Variants in TMEM114 observed in about 807,000 individuals in gnomAD.
The protein encoded by TMEM114 is claudin-26.
TMEM114 carries 6 observed loss-of-function variants against 6.2 expected under a neutral mutation model. The observed-to-expected ratio is 0.97, with a 90% confidence interval of 0.53 to 1.91. The LOEUF (loss-of-function observed/expected upper bound fraction) is 1.91, where lower values mean the gene tolerates loss of function less well. Ranked by LOEUF, TMEM114 falls within the 40% of genes most tolerant of loss-of-function variation. The pLI, the probability that TMEM114 is intolerant of heterozygous loss-of-function variation, is 0.01. For synonymous variants in TMEM114, 104 were observed against 73.0 expected (o/e 1.42, Z -2.16); for missense variants, 218 against 158.3 (o/e 1.38, Z -2.02).
intron 2 of TMEM114, among the ~76,000 whole-genome samples, chr16:8,551,327 A>G (rs1448191575): frequency 2.0e-5 from 3 of 152,182 alleles, no homozygotes; most frequent in Non-Finnish European, 4.4e-5. Flanking sequence ...GTCAGACACC[A>G]TGTGTTTGAA....
intron 2 of TMEM114, among the ~76,000 whole-genome samples, chr16:8,538,653 G>A (rs1304438955): frequency 6.6e-6 from 1 of 151,882 alleles, no homozygotes; most frequent in African/African-American, 2.4e-5. Context: ...GACTACAGGC[G>A]CCCGCCACCA....
the TMEM114 span, among the ~76,000 whole-genome samples, chr16:8,532,461 G>C: frequency 3.9e-5 from 6 of 152,120 alleles, no homozygotes; most frequent in African/African-American, 1.4e-4. Context: ...AGTCACTCCT[G>C]TCTGGGTGTG....
At chr16:8,563,181 G>GTGGA (rs1567202777) in intron 2 of TMEM114, among the ~76,000 whole-genome samples, 15 of 139,344 alleles carry the variant, frequency 1.1e-4, no homozygotes, top group Non-Finnish European at 1.6e-4. Context: ...AAATGAGTGA[G>GTGGA]TGAATGAGTG....
At chr16:8,542,145 G>GGT (rs1555461290) in intron 2 of TMEM114, among the ~76,000 whole-genome samples, 1 of 150,614 alleles carries the variant, frequency 6.6e-6, no homozygotes, top group Non-Finnish European at 1.5e-5. Flanking sequence ...TGATTCGTGG[G>GGT]GGGGGGTCCC....
At chr16:8,551,755 G>A (rs1001033359) in intron 2 of TMEM114, among the ~76,000 whole-genome samples, 1 of 152,168 alleles carries the variant, frequency 6.6e-6, no homozygotes, top group Non-Finnish European at 1.5e-5. Context: ...GTGTTTCTAG[G>A]GGTGTTTCAT....
intron 2 of TMEM114, among the ~76,000 whole-genome samples, chr16:8,562,040 A>ATGAGTGAGTGAGTGAATGAGTGAG (rs1901239414): frequency 6.8e-6 from 1 of 147,210 alleles, no homozygotes; most frequent in Admixed American, 6.7e-5. Context: ...GAGTGAGTAA[A>ATGAGTGAGTGAGTGAATGAGTGAG]TGAGTGAGTG....
At chr16:8,583,809 C>A (rs373370514) in intron 2 of TMEM114, among the ~76,000 whole-genome samples, 91 of 152,180 alleles carry the variant, frequency 6.0e-4, no homozygotes, top group South Asian at 4.8e-3. Context: ...GTGATGTAGG[C>A]GCGTGTGGGT....
At chr16:8,562,154 A>AGTGAGTTAGTGAATG (rs1567202030) in intron 2 of TMEM114, among the ~76,000 whole-genome samples, 4 of 139,042 alleles carry the variant, frequency 2.9e-5, no homozygotes, top group African/African-American at 1.1e-4. Context: ...GTTAGTGAAT[A>AGTGAGTTAGTGAATG]AGTGAGTTAG....
At chr16:8,531,866 T>C in the TMEM114 span, 2 of 152,210 alleles carry the variant, frequency 1.3e-5, no homozygotes, top group Admixed American at 1.3e-4. Flanking sequence ...GTAAAATTCT[T>C]TGTGAACTAG....
the TMEM114 span, among the ~76,000 whole-genome samples, chr16:8,529,228 C>G: frequency 1.3e-5 from 2 of 152,174 alleles, no homozygotes; most frequent in Non-Finnish European, 2.9e-5. Flanking sequence ...TTATCACTAG[C>G]TTTCCACTCA....
At chr16:8,582,056 T>A (rs541500610) in intron 2 of TMEM114, among the ~76,000 whole-genome samples, 94 of 152,322 alleles carry the variant, frequency 6.2e-4, no homozygotes, top group African/African-American at 2.1e-3. Flanking sequence ...TGGTTTTAAT[T>A]GTCCATGTCA....
downstream of TMEM114, among the ~76,000 whole-genome samples, chr16:8,534,843 T>C (rs1472672221): frequency 6.6e-6 from 1 of 152,224 alleles, no homozygotes; most frequent in Non-Finnish European, 1.5e-5. Context: ...TCTGCTAAGA[T>C]TTTCATGAAG....
downstream of TMEM114, among the ~76,000 whole-genome samples, chr16:8,566,969 C>T (rs1325905223): frequency 2.9e-5 from 4 of 139,850 alleles, no homozygotes; most frequent in Admixed American, 7.7e-5. Context: ...GGTGCGATCT[C>T]GGCTCACTGT....
At chr16:8,578,761 C>T (rs981398384) in intron 2 of TMEM114, among the ~76,000 whole-genome samples, 1 of 152,220 alleles carries the variant, frequency 6.6e-6, no homozygotes, top group Non-Finnish European at 1.5e-5. Context: ...GGTGGATCAC[C>T]TGAGGTTAGA....
chr16:8,563,201 G>C (rs1411164543), intron 2 of TMEM114, among the ~76,000 whole-genome samples: 1 of 148,726 alleles, frequency 6.7e-6, no homozygotes, highest in African/African-American at 2.5e-5. Context: ...GAATGAATGA[G>C]TGAATGAGTG....
chr16:8,531,997 G>A, the TMEM114 span: 1 of 152,166 alleles, frequency 6.6e-6, no homozygotes, highest in Admixed American at 6.5e-5. Context: ...TAGTATAAGT[G>A]AGGCACTGAA....
chr16:8,537,889 A>G (rs373923290), intron 2 of TMEM114: 9 of 152,292 alleles, frequency 5.9e-5, no homozygotes, highest in African/African-American at 2.2e-4. Flanking sequence ...GATATGTATA[A>G]GCATAAAAGG....
intron 2 of TMEM114, among the ~76,000 whole-genome samples, chr16:8,549,642 TG>T (rs1350837623): frequency 6.6e-6 from 1 of 152,114 alleles, no homozygotes; most frequent in African/African-American, 2.4e-5. Flanking sequence ...TGTGTGTATG[TG>T]TGTGAAAGAT....
downstream of TMEM114, among the ~76,000 whole-genome samples, chr16:8,537,121 G>A (rs942211132): frequency 6.6e-6 from 1 of 152,044 alleles, no homozygotes; most frequent in Non-Finnish European, 1.5e-5. Flanking sequence ...CTGGAAGATC[G>A]CATGAGCTCA....
Sources: gnomAD v4.1 joint callset for allele counts (sites outside exome capture counted in the v4.1 genomes callset) on GRCh38, gnomAD v4.1.1 for gene constraint, MANE v1.5 for transcripts, NCBI Gene and HGNC (gene_info 2026-07-23, HGNC 2026-07-21) for gene names.